Variants in SOX9 observed in about 807,000 individuals in gnomAD.
The protein encoded by SOX9 is transcription factor SOX-9.
Under a neutral mutation model 44.8 loss-of-function variants are expected in SOX9, and 2 were observed. The observed-to-expected ratio is 0.04, with a 90% CI of 0.02 to 0.14. The LOEUF (loss-of-function observed/expected upper bound fraction) is 0.14. Ranked by LOEUF, SOX9 falls within the 10% of genes least tolerant of loss-of-function variation. The pLI is 1.00. For missense variants in SOX9, 583 were observed against 728.6 expected (o/e 0.80, Z 2.30); for synonymous variants, 381 against 331.8 (o/e 1.15, Z -1.61).
chr17:72,123,537 C>T lies in SOX9; in HGVS notation c.686-6C>T. On this transcript the variant is annotated splice_region_variant and splice_polypyrimidine_tract_variant and intron_variant, in intron 2 of 2. Transcript: ENST00000245479. This position sits in a 1 kb window ranked among gnomAD's most constrained non-coding sequence, Gnocchi z 6.5. ...TTTCTCGTGCTTGTTCTTTTATTGTCCACAGGGCAATCCCAGGGCCCACCG... is the reference window on the plus strand; with the variant it reads ...TTTCTCGTGCTTGTTCTTTTATTGTTCACAGGGCAATCCCAGGGCCCACCG... 2 of 1,614,164 alleles carry T rather than the reference C, an allele frequency of 1.2e-6. No individual in the cohort carries two copies. Among genetic ancestry groups the T allele is most frequent in the Non-Finnish European group, 1.7e-6 (2 of 1,180,010 alleles).
In SOX9 at chr17:72,123,724, C is replaced by G. The variant is rs752943571; in HGVS notation, c.867C>G (p.Phe289Leu). ...SSDVISNIETFDVNEFDQYLP... is the reference protein window; with the variant it reads ...SSDVISNIETLDVNEFDQYLP... ...ACGTCATCTCCAACATCGAGACCTT[C>G]GATGTCAACGAGTTTGACCAGTACC... is the stretch of plus-strand genomic sequence containing the variant. The change falls in exon 3 of 3, where the codon TTC becomes TTG. Residue 289 changes from phenylalanine to leucine, a missense_variant. Physicochemically the swap from Phe to Leu is conservative, Grantham distance 22. Coordinates refer to ENST00000245479, the MANE Select transcript of SOX9 (RefSeq NM_000346.4). The surrounding 1 kb of genome is among the most constrained non-coding windows in gnomAD (Gnocchi z 6.5). The G allele has an allele frequency of 6.2e-7, 1 of 1,613,988 alleles. No individual in the cohort carries two copies. The highest frequency in any genetic ancestry group is 8.5e-7 in the Non-Finnish European group (1 of 1,179,978).
rs2143259702 is a variant in SOX9, at chr17:72,124,433, A to T, written c.*46A>T. ...GAAGATGGCCGAGATGATCCTAAAA[A>T]TAACCGAAGAAAGAGAGGACCAACC... is the stretch of plus-strand genomic sequence containing the variant. On this transcript the variant is annotated 3_prime_UTR_variant, in exon 3 of 3. Coordinates refer to ENST00000245479, the MANE Select transcript of SOX9 (RefSeq NM_000346.4). The surrounding 1 kb of genome is among the most constrained non-coding windows in gnomAD (Gnocchi z 4.6). 6.3e-7 allele frequency: 1 copy of T among 1,595,670 alleles called. No homozygotes were observed.
Position 72,125,967 on chromosome 17 carries a change from G to A in SOX9, c.*1580G>A, listed in dbSNP as rs1042678. On this transcript the variant is annotated 3_prime_UTR_variant, in exon 3 of 3. Transcript: ENST00000245479. ...AAGCATGTGTCATCCATATTTCTCTGCATCTTCTCTTGGAGTGAGGGAGGC... is the reference window on the plus strand; with the variant it reads ...AAGCATGTGTCATCCATATTTCTCTACATCTTCTCTTGGAGTGAGGGAGGC... 0.36 allele frequency: 84,031 copies of A among 232,122 alleles called. 17,687 individuals carry two copies. The highest frequency in any genetic ancestry group is 0.56 in the East Asian group (9,113 of 16,390). The allele number at this position is 232,122 out of a possible 1,614,324, so 14.4% of individuals were successfully genotyped here.
In SOX9 at chr17:72,124,458, C is replaced by A. The variant is rs2143259977; in HGVS notation, c.*71C>A. The stretch of plus-strand genomic sequence containing the variant: ...ATAACCGAAGAAAGAGAGGACCAAC[C>A]AGAATTCCCTTTGGACATTTGTGTT... On this transcript the variant is annotated 3_prime_UTR_variant, in exon 3 of 3. Coordinates refer to ENST00000245479, the MANE Select transcript of SOX9 (RefSeq NM_000346.4). The surrounding 1 kb of genome is among the most constrained non-coding windows in gnomAD (Gnocchi z 4.6). 6.6e-7 allele frequency: 1 copy of A among 1,522,810 alleles called. No individual in the cohort carries two copies. Among genetic ancestry groups the A allele is most frequent in the East Asian group, 2.2e-5 (1 of 44,476 alleles). 94.3% of individuals were successfully genotyped at this position (1,522,810 alleles called of 1,614,324 possible).
Position 72,122,701 on chromosome 17 carries a change from C to CA in SOX9, c.432-18_432-17insA, listed in dbSNP as rs1301310495. The CA allele has an allele frequency of 1.2e-6, 2 of 1,612,448 alleles. No individual in the cohort carries two copies. Among genetic ancestry groups the CA allele is most frequent in the African/African-American group, 2.7e-5 (2 of 74,880 alleles). Reference sequence around the variant, plus strand: ...CTCTCCCTCTTTTTCTCTGTGCCCCCCGCCCCGCCCCGAGCAGACTTCTGA... The same window carrying CA: ...CTCTCCCTCTTTTTCTCTGTGCCCCCACGCCCCGCCCCGAGCAGACTTCTGA... On this transcript the variant is annotated splice_polypyrimidine_tract_variant and intron_variant, in intron 1 of 2. Coordinates refer to ENST00000245479, the MANE Select transcript of SOX9 (RefSeq NM_000346.4).
chr17:72,125,834 TG>T lies in SOX9; in HGVS notation c.*1448del. Reference sequence around the variant, plus strand: ...TTTTGTATAAATGAGAGATTGCAAATGTAGTGTATCACTGAGTCATTTGCAG... The same window carrying T: ...TTTTGTATAAATGAGAGATTGCAAATTAGTGTATCACTGAGTCATTTGCAG... On this transcript the variant is annotated 3_prime_UTR_variant, in exon 3 of 3. Transcript: ENST00000245479. 1 of 232,106 alleles carries T rather than the reference TG, an allele frequency of 4.3e-6. No homozygotes were observed. Among genetic ancestry groups the T allele is most frequent in the East Asian group, 6.1e-5 (1 of 16,362 alleles). 14.4% of individuals were successfully genotyped at this position (232,106 alleles called of 1,614,324 possible).
chr17:72,124,288 C>T lies in SOX9; in HGVS notation c.1431C>T (p.Tyr477=), dbSNP rs758785802. 4 of 1,610,856 alleles carry T rather than the reference C, an allele frequency of 2.5e-6. No homozygotes were observed. Among genetic ancestry groups the T allele is most frequent in the Non-Finnish European group, 3.4e-6 (4 of 1,180,004 alleles). Residue 477 remains tyrosine, a synonymous_variant, in exon 3 of 3, where the codon TAC becomes TAT. Transcript: ENST00000245479. This position sits in a 1 kb window ranked among gnomAD's most constrained non-coding sequence, Gnocchi z 4.6. ...TGAACCCCGCTCAGCGCCCCATGTA[C>T]ACCCCCATCGCCGACACCTCTGGGG... ...TYMNPAQRPM[Y]TPIADTSGVP...
rs760830068 is a variant in SOX9, at chr17:72,123,751, G to C, written c.894G>C (p.Leu298=). The part of the protein sequence containing the change: ...TFDVNEFDQY[L]PPNGHPGVPA... ...ATGTCAACGAGTTTGACCAGTACCT[G>C]CCGCCCAACGGCCACCCGGGGGTGC... Residue 298 remains leucine, a synonymous_variant, in exon 3 of 3, where the codon CTG becomes CTC. Transcript: ENST00000245479. The surrounding 1 kb of genome is among the most constrained non-coding windows in gnomAD (Gnocchi z 6.5). The C allele has an allele frequency of 1.9e-6, 3 of 1,613,522 alleles. No individual in the cohort carries two copies. The highest frequency in any genetic ancestry group is 2.5e-6 in the Non-Finnish European group (3 of 1,179,958).
rs752697003 is a variant in SOX9, at chr17:72,122,914, C to T, written c.627C>T (p.Ala209=). ...SPNAIFKALQ[A]DSPHSSSGMS... is the part of the protein sequence containing the mutation. ...ACGCCATCTTCAAGGCGCTGCAGGC[C>T]GACTCGCCACACTCCTCCTCCGGCA... Residue 209 remains alanine, a synonymous_variant, in exon 2 of 3, where the codon GCC becomes GCT. Coordinates refer to ENST00000245479, the MANE Select transcript of SOX9 (RefSeq NM_000346.4). The T allele has an allele frequency of 9.9e-6, 16 of 1,614,108 alleles. No individual in the cohort carries two copies. Among genetic ancestry groups the T allele is most frequent in the African/African-American group, 1.3e-5 (1 of 75,040 alleles).
chr17:72,123,600 G>A lies in SOX9; in HGVS notation c.743G>A (p.Gly248Asp), dbSNP rs2143250647. Reference protein sequence around the residue: ...PTTPKTDVQPGKADLKREGRP... With the variant: ...PTTPKTDVQPDKADLKREGRP... ...ACCCCCAAAACCGACGTGCAGCCGG[G>A]CAAGGCTGACCTGAAGCGAGAGGGG... is the stretch of plus-strand genomic sequence containing the variant. Residue 248 changes from glycine to aspartate, a missense_variant, in exon 3 of 3, where the codon GGC (glycine) becomes GAC (aspartate). Coordinates refer to ENST00000245479, the MANE Select transcript of SOX9 (RefSeq NM_000346.4). This position sits in a 1 kb window ranked among gnomAD's most constrained non-coding sequence, Gnocchi z 6.5. 6.2e-7 allele frequency: 1 copy of A among 1,614,070 alleles called. No homozygotes were observed. Among genetic ancestry groups the A allele is most frequent in the South Asian group, 1.1e-5 (1 of 91,074 alleles).
Position 72,121,041 on chromosome 17 carries a change from G to A in SOX9, c.-351G>A. ...AGTTGGAGAGCCGAAAGCGGAGCTC[G>A]AAACTGACTGGAAACTTCAGTGGCG... On this transcript the variant is annotated 5_prime_UTR_variant, in exon 1 of 3. Transcript: ENST00000245479. The surrounding 1 kb of genome is among the most constrained non-coding windows in gnomAD (Gnocchi z 8.3). 1.9e-6 allele frequency: 1 copy of A among 529,964 alleles called. No individual in the cohort carries two copies. The highest frequency in any genetic ancestry group is 3.3e-6 in the Non-Finnish European group (1 of 305,696). 32.8% of individuals were successfully genotyped at this position (529,964 alleles called of 1,614,324 possible).
In SOX9 at chr17:72,121,274, G is replaced by A. The variant is rs1908078289; in HGVS notation, c.-118G>A. 8.6e-6 allele frequency: 8 copies of A among 930,034 alleles called. No homozygotes were observed. Among genetic ancestry groups the A allele is most frequent in the African/African-American group, 8.3e-5 (5 of 60,350 alleles). 57.6% of individuals were successfully genotyped at this position (930,034 alleles called of 1,614,324 possible). A position where few individuals can be genotyped will look rare whatever the true frequency, so the allele number is the denominator to read the frequency against. Reference sequence around the variant, plus strand: ...AGCCGGCCGACGCGCCAGCTTCCCCGGGAGCCGCTTGCTCCGCATCCGGGC... The same window carrying A: ...AGCCGGCCGACGCGCCAGCTTCCCCAGGAGCCGCTTGCTCCGCATCCGGGC... On this transcript the variant is annotated 5_prime_UTR_variant, in exon 1 of 3. Coordinates refer to ENST00000245479, the MANE Select transcript of SOX9 (RefSeq NM_000346.4). This position sits in a 1 kb window ranked among gnomAD's most constrained non-coding sequence, Gnocchi z 8.3.
In SOX9 at chr17:72,124,000, G is replaced by A. The variant is rs371745406; in HGVS notation, c.1143G>A (p.Thr381=). Residue 381 remains threonine, a synonymous_variant, in exon 3 of 3, where the codon ACG becomes ACA. Transcript: ENST00000245479. The surrounding 1 kb of genome is among the most constrained non-coding windows in gnomAD (Gnocchi z 6.5). ...CCCCGCAGCAGCCACAGGCGCACAC[G>A]CTGACCACGCTGAGCAGCGAGCCGG... ...AAPPQQPQAH[T]LTTLSSEPGQ... The A allele has an allele frequency of 4.4e-6, 7 of 1,598,946 alleles. 1 individual carries two copies. In the African/African-American group the frequency reaches 5.4e-5, roughly 12 times the overall value.
At position 72,124,221 on chromosome 17, in the gene SOX9, C is replaced by T. The variant is rs1298811626; in HGVS notation, c.1364C>T (p.Ala455Val). 6.2e-7 allele frequency: 1 copy of T among 1,613,748 alleles called. No individual in the cohort carries two copies. Among genetic ancestry groups the T allele is most frequent in the East Asian group, 2.2e-5 (1 of 44,862 alleles). The change falls in exon 3 of 3, where the codon GCG becomes GTG. Residue 455 changes from alanine to valine, a missense_variant. Ala to Val is a moderately conservative substitution (Grantham distance 64). Transcript: ENST00000245479. The surrounding 1 kb of genome is among the most constrained non-coding windows in gnomAD (Gnocchi z 4.6). ...HQNSSSYYSH[A>V]AGQGTGLYST... is the part of the protein sequence containing the mutation. ...AACTCCAGCTCCTACTACAGCCACG[C>T]GGCAGGCCAGGGCACCGGCCTCTAC...
rs2143246698 is a variant in SOX9 at position 72,122,892 on chromosome 17, C to T, written c.605C>T (p.Ala202Val). Reference protein sequence around the residue: ...ATEQTHISPNAIFKALQADSP... With the variant: ...ATEQTHISPNVIFKALQADSP... ...GAGCAGACGCACATCTCCCCCAACG[C>T]CATCTTCAAGGCGCTGCAGGCCGAC... Residue 202 changes from alanine to valine, a missense_variant, in exon 2 of 3, where the codon GCC (alanine) becomes GTC (valine). Around this residue, in one of 7 missense-constraint regions of SOX9, gnomAD observed 88 missense variants for 65.5 expected, o/e 1.34. Coordinates refer to ENST00000245479, the MANE Select transcript of SOX9 (RefSeq NM_000346.4). 2 of 1,614,154 alleles carry T rather than the reference C, an allele frequency of 1.2e-6. No homozygotes were observed. The highest frequency in any genetic ancestry group is 1.7e-6 in the Non-Finnish European group (2 of 1,180,024).
In SOX9 at chr17:72,123,320, A is replaced by G. The variant is rs1438934285; in HGVS notation, c.686-223A>G. Among the ~76,000 whole-genome samples, 3 of 151,882 alleles carry G rather than the reference A, an allele frequency of 2.0e-5. No individual in the cohort carries two copies. The highest frequency in any genetic ancestry group is 7.3e-5 in the African/African-American group (3 of 41,318). On this transcript the variant is annotated intron_variant, in intron 2 of 2. Coordinates refer to ENST00000245479, the MANE Select transcript of SOX9 (RefSeq NM_000346.4). This position sits in a 1 kb window ranked among gnomAD's most constrained non-coding sequence, Gnocchi z 6.5. The stretch of plus-strand genomic sequence containing the variant: ...CACAAGTAGCAATTAGGTCTTCCGG[A>G]CCCTCCGGGCCCCAGACCCTCCCCT...
At position 72,123,062 on chromosome 17, in the gene SOX9, C is replaced by A. The variant is rs1370971408; in HGVS notation, c.685+90C>A. ...CCGCCTGGGAGATTCTTCGTGGGGA[C>A]TTTATGCTTCCCGGGAGGGACACAC... is the stretch of plus-strand genomic sequence containing the variant. On this transcript the variant is annotated intron_variant, in intron 2 of 2. Coordinates refer to ENST00000245479, the MANE Select transcript of SOX9 (RefSeq NM_000346.4). This position sits in a 1 kb window ranked among gnomAD's most constrained non-coding sequence, Gnocchi z 6.5. 6.6e-7 allele frequency: 1 copy of A among 1,522,230 alleles called. No individual in the cohort carries two copies. The highest frequency in any genetic ancestry group is 2.3e-5 in the East Asian group (1 of 43,342). The allele number at this position is 1,522,230 out of a possible 1,614,324, so 94.3% of individuals were successfully genotyped here.
rs886053363 is a variant in SOX9 at position 72,126,219 on chromosome 17, C to T, written c.*1832C>T. 8.6e-5 allele frequency: 20 copies of T among 232,848 alleles called. No homozygotes were observed. The highest frequency in any genetic ancestry group is 1.4e-4 in the Non-Finnish European group (16 of 117,716). 14.4% of individuals were successfully genotyped at this position (232,848 alleles called of 1,614,324 possible). A position where few individuals can be genotyped will look rare whatever the true frequency, so the allele number is the denominator to read the frequency against. On this transcript the variant is annotated 3_prime_UTR_variant, in exon 3 of 3. Transcript: ENST00000245479. The stretch of plus-strand genomic sequence containing the variant: ...TCTTTTTAAAAAGATACTTCTGTAA[C>T]TTAAGAAACCTGGCATTTAAATCAT...
rs765147833 is a variant in SOX9 at position 72,124,514 on chromosome 17, C to T, written c.*127C>T. ...GTTTTTTTATTTTGTTTTGTTTTTT[C>T]TTCTTCTTCTTCTTCCTTAAAGACA... On this transcript the variant is annotated 3_prime_UTR_variant, in exon 3 of 3. Transcript: ENST00000245479. The surrounding 1 kb of genome is among the most constrained non-coding windows in gnomAD (Gnocchi z 4.6). 190 of 1,080,494 alleles carry T rather than the reference C, an allele frequency of 1.8e-4. No homozygotes were observed. Among genetic ancestry groups the T allele is most frequent in the Non-Finnish European group, 2.5e-4 (181 of 736,820 alleles). The allele number at this position is 1,080,494 out of a possible 1,614,324, so 66.9% of individuals were successfully genotyped here. A position where few individuals can be genotyped will look rare whatever the true frequency, so the allele number is the denominator to read the frequency against.
Sources: allele counts gnomAD v4.1 joint callset (sites outside exome capture counted in the v4.1 genomes callset), GRCh38; gene constraint gnomAD v4.1.1; regional missense constraint gnomAD v4.1.1; non-coding constraint Gnocchi (gnomAD v3.1); transcripts MANE v1.5; gene names NCBI Gene and HGNC (gene_info 2026-07-23, HGNC 2026-07-21).